The following RRAD variants were observed in gnomAD, a reference collection of about 807,000 sequenced individuals.
The protein encoded by RRAD is RRAD, Ras related glycolysis inhibitor and calcium channel regulator.
A neutral mutation model predicts 24.7 loss-of-function variants in RRAD; 15 were observed. The ratio of observed to expected loss-of-function variants is 0.61; its 90% CI spans 0.41 to 0.93. The LOEUF is 0.93. Ranked by LOEUF, RRAD falls within the 40% of genes least tolerant of loss-of-function variation. RRAD has a pLI of 0.00. For missense variants in RRAD, 438 were observed against 452.2 expected (o/e 0.97, Z 0.29); for synonymous variants, 180 against 189.8 (o/e 0.95, Z 0.43).
At position 66,924,598 on chromosome 16, in the gene RRAD, G is replaced by C. The variant is rs769283111; in HGVS notation, c.370+212C>G. On this transcript the variant is annotated intron_variant, in intron 2 of 4. Transcript: ENST00000299759. This position sits in a 1 kb window ranked among gnomAD's most constrained non-coding sequence, Gnocchi z 4.2. ...GAGAATCCCTTGAAACCTGAAGGCG[G>C]AGGTTGCAGTGAGCCTAGATCGAGG... Among the ~76,000 whole-genome samples the C allele has an allele frequency of 6.6e-6, 1 of 152,138 alleles. No homozygotes were observed. Among genetic ancestry groups the C allele is most frequent in the Non-Finnish European group, 1.5e-5 (1 of 68,024 alleles).
At position 66,924,678 on chromosome 16, in the gene RRAD, A is replaced by AAATAATAATAAT. The variant is rs541356722; in HGVS notation, c.370+120_370+131dup. 3,691 of 687,192 alleles carry AAATAATAATAAT rather than the reference A, an allele frequency of 5.4e-3. 32 individuals carry two copies. Among genetic ancestry groups the AAATAATAATAAT allele is most frequent in the African/African-American group, 0.022 (1,124 of 50,606 alleles). 42.6% of individuals were successfully genotyped at this position (687,192 alleles called of 1,614,324 possible). A position where few individuals can be genotyped will look rare whatever the true frequency, so the allele number is the denominator to read the frequency against. ...GAAACTCTGTCTCAAAATAATAATA[A>AAATAATAATAAT]AATAATAATAATAATAATAATAACA... On this transcript the variant is annotated intron_variant, in intron 2 of 4. Coordinates refer to ENST00000299759, the MANE Select transcript of RRAD (RefSeq NM_004165.3). This position sits in a 1 kb window ranked among gnomAD's most constrained non-coding sequence, Gnocchi z 4.2.
chr16:66,923,488 C>T lies in RRAD; in HGVS notation c.649+28G>A, dbSNP rs1962946257. On this transcript the variant is annotated intron_variant, in intron 4 of 4. Transcript: ENST00000299759. This position sits in a 1 kb window ranked among gnomAD's most constrained non-coding sequence, Gnocchi z 4.9. ...GGATCAGGGCCCAGCTGGGCTCTCC[C>T]TCCCCCTGCAACCTGCCGCCTACTC... is the stretch of plus-strand genomic sequence containing the variant. 1 of 1,581,720 alleles carries T rather than the reference C, an allele frequency of 6.3e-7. No individual in the cohort carries two copies. Among genetic ancestry groups the T allele is most frequent in the Admixed American group, 1.7e-5 (1 of 59,498 alleles).
At position 66,925,330 on chromosome 16, in the gene RRAD, G is replaced by T. The variant is rs985036702; in HGVS notation, c.-16+79C>A. 3.2e-5 allele frequency: 26 copies of T among 801,666 alleles called. No homozygotes were observed. Among genetic ancestry groups the T allele is most frequent in the Non-Finnish European group, 4.0e-5 (24 of 604,700 alleles). The allele number at this position is 801,666 out of a possible 1,614,324, so 49.7% of individuals were successfully genotyped here. A position where few individuals can be genotyped will look rare whatever the true frequency, so the allele number is the denominator to read the frequency against. On this transcript the variant is annotated intron_variant, in intron 1 of 4. Transcript: ENST00000299759. This position sits in a 1 kb window ranked among gnomAD's most constrained non-coding sequence, Gnocchi z 5.2. ...AGCCCTCCCCCAGCCCCCAGGTCGC[G>T]GCGCCCTCACCCGGGACCCCTCCGG...
In RRAD at chr16:66,924,922, G is replaced by A; in HGVS notation, c.258C>T (p.Asp86=). 6.3e-7 allele frequency: 1 copy of A among 1,575,354 alleles called. No homozygotes were observed. Among genetic ancestry groups the A allele is most frequent in the Non-Finnish European group, 8.6e-7 (1 of 1,166,462 alleles). ...GCACCTTGTAAACGCTCTCGTCTGA[G>A]TCGCTGCCCCCTGAGCTGAGCGAGT... is the stretch of plus-strand genomic sequence containing the variant. ...SEDSLSSGGS[D]SDESVYKVLL... The change falls in exon 2 of 5, where the codon GAC becomes GAT. Residue 86 remains aspartate (D), a synonymous_variant. Transcript: ENST00000299759. The surrounding 1 kb of genome is among the most constrained non-coding windows in gnomAD (Gnocchi z 4.2).
rs1316338207 is a variant in RRAD, at chr16:66,925,508, T to TGCA, written c.-118_-116dup. ...TTAGGGTTTCCGCCGCCGCTGCTGC[T>TGCA]GCAGCCACCGCCTTCTCAGCCCGCA... On this transcript the variant is annotated 5_prime_UTR_variant, in exon 1 of 5. Transcript: ENST00000299759. This position sits in a 1 kb window ranked among gnomAD's most constrained non-coding sequence, Gnocchi z 5.2. The TGCA allele has an allele frequency of 2.6e-5, 5 of 195,374 alleles. No individual in the cohort carries two copies. In the East Asian group the frequency reaches 4.7e-4, roughly 18 times the overall value. The allele number at this position is 195,374 out of a possible 1,614,324, so 12.1% of individuals were successfully genotyped here. A position where few individuals can be genotyped will look rare whatever the true frequency, so the allele number is the denominator to read the frequency against.
chr16:66,922,093 C>T lies in RRAD; in HGVS notation c.910G>A (p.Asp304Asn), dbSNP rs759311298. The T allele has an allele frequency of 1.9e-6, 3 of 1,608,466 alleles. No homozygotes were observed. The highest frequency in any genetic ancestry group is 2.6e-6 in the Non-Finnish European group (3 of 1,175,218). Residue 304 changes from aspartate (D) to asparagine (N), a missense_variant, in exon 5 of 5, where the codon GAC becomes AAC. Transcript: ENST00000299759. ...GGTGGGACCTAGAGAACCGAGAGGT[C>T]GTGGCAGGACTTGGATTTGGCGCGA... is the stretch of plus-strand genomic sequence containing the variant. ...AFRAKSKSCH[D>N]LSVL
rs1962982246 is a variant in RRAD, at chr16:66,925,243, G to C, written c.-15-49C>G. The stretch of plus-strand genomic sequence containing the variant: ...GCCGTGTAAGCCGCGAGGGAGGCGG[G>C]ACCCGGGGCGCACCTGCCCAACCCG... On this transcript the variant is annotated intron_variant, in intron 1 of 4. Transcript: ENST00000299759. This position sits in a 1 kb window ranked among gnomAD's most constrained non-coding sequence, Gnocchi z 5.2. 2 of 1,208,866 alleles carry C rather than the reference G, an allele frequency of 1.7e-6. No individual in the cohort carries two copies. Among genetic ancestry groups the C allele is most frequent in the Non-Finnish European group, 2.1e-6 (2 of 972,040 alleles). The allele number at this position is 1,208,866 out of a possible 1,614,324, so 74.9% of individuals were successfully genotyped here.
rs1406446424 is a variant in RRAD, at chr16:66,923,166, CT to C, written c.649+349del. Reference sequence around the variant, plus strand: ...GGTCTTCCCCAGGGCCAAGTCTACTCTAAGAATGGCCCAGACCTAGCACACA... The same window carrying C: ...GGTCTTCCCCAGGGCCAAGTCTACTCAAGAATGGCCCAGACCTAGCACACA... On this transcript the variant is annotated intron_variant, in intron 4 of 4. Transcript: ENST00000299759. This position sits in a 1 kb window ranked among gnomAD's most constrained non-coding sequence, Gnocchi z 4.9. Among the ~76,000 whole-genome samples the C allele has an allele frequency of 2.6e-5, 4 of 152,138 alleles. No individual in the cohort carries two copies. The highest frequency in any genetic ancestry group is 9.7e-5 in the African/African-American group (4 of 41,430).
At position 66,923,983 on chromosome 16, in the gene RRAD, T is replaced by G. The variant is rs1962955411; in HGVS notation, c.371-64A>C. The stretch of plus-strand genomic sequence containing the variant: ...TCAAAGCCGCTGCTGCCAGGTTTCC[T>G]GTTCTGGCCACACCCTCCAACTCTT... On this transcript the variant is annotated intron_variant, in intron 2 of 4. Transcript: ENST00000299759. This position sits in a 1 kb window ranked among gnomAD's most constrained non-coding sequence, Gnocchi z 4.9. 2.3e-5 allele frequency: 30 copies of G among 1,328,648 alleles called. No individual in the cohort carries two copies. The South Asian group carries it at 3.5e-4, about 16-fold the overall frequency. The allele number at this position is 1,328,648 out of a possible 1,614,324, so 82.3% of individuals were successfully genotyped here.
At position 66,925,058 on chromosome 16, in the gene RRAD, G is replaced by C. The variant is rs979557063; in HGVS notation, c.122C>G (p.Pro41Arg). The C allele has an allele frequency of 1.5e-6, 2 of 1,300,840 alleles. No homozygotes were observed. The highest frequency in any genetic ancestry group is 2.3e-5 in the South Asian group (1 of 43,568). The allele number at this position is 1,300,840 out of a possible 1,614,324, so 80.6% of individuals were successfully genotyped here. The change falls in exon 2 of 5, where the codon CCG becomes CGG. Residue 41 changes from proline to arginine, a missense_variant. Coordinates refer to ENST00000299759, the MANE Select transcript of RRAD (RefSeq NM_004165.3). The surrounding 1 kb of genome is among the most constrained non-coding windows in gnomAD (Gnocchi z 5.2). ...CGCCTGCAGGTCGCGCTCGTCCACC[G>C]GCATGCTGCGGCGGTGCAGCGGCGG... ...PAPPLHRRSM[P>R]VDERDLQAAL... is the part of the protein sequence containing the mutation.
Position 66,922,176 on chromosome 16 carries a change from T to C in RRAD, c.827A>G (p.Lys276Arg). 2 of 1,614,212 alleles carry C rather than the reference T, an allele frequency of 1.2e-6. No homozygotes were observed. The highest frequency in any genetic ancestry group is 1.7e-6 in the Non-Finnish European group (2 of 1,179,984). Residue 276 changes from lysine (K) to arginine (R), a missense_variant, in exon 5 of 5, where the codon AAA (lysine) becomes AGA (arginine). Transcript: ENST00000299759. ...AGTRRRESLG[K>R]KAKRFLGRIV... ...GCGGCCCAAGAAGCGCTTCGCCTTT[T>C]TGCCAAGGCTCTCTCGCCTCCGGGT... is the stretch of plus-strand genomic sequence containing the variant.
At position 66,923,629 on chromosome 16, in the gene RRAD, T is replaced by C; in HGVS notation, c.536A>G (p.Lys179Arg). 1 of 1,614,050 alleles carries C rather than the reference T, an allele frequency of 6.2e-7. No individual in the cohort carries two copies. The highest frequency in any genetic ancestry group is 1.1e-5 in the South Asian group (1 of 91,080). The change falls in exon 4 of 5, where the codon AAG (lysine) becomes AGG (arginine). Residue 179 changes from lysine to arginine, a missense_variant. Physicochemically the swap from Lys to Arg is conservative, Grantham distance 26 (BLOSUM62 2). Transcript: ENST00000299759. The surrounding 1 kb of genome is among the most constrained non-coding windows in gnomAD (Gnocchi z 4.9). The stretch of plus-strand genomic sequence containing the variant: ...CAGCTGGACCCGCAGTTCTGAGGCC[T>C]TCTCGAAGCTGCCCTTGTCCGTCAC... ...YSVTDKGSFEKASELRVQLRR... is the reference protein window; with the variant it reads ...YSVTDKGSFERASELRVQLRR...
chr16:66,922,472 AAC>A, intron 4 of RRAD, 119 bp from the exon 5 acceptor site: 2 of 1,012,418 alleles, frequency 2.0e-6, no homozygotes, highest in Non-Finnish European at 2.9e-6. Flanking sequence ...CCTCCCCGAA[AAC>A]ACAGAGACCC....
Position 66,921,983 on chromosome 16 carries a change from G to T in RRAD, c.*93C>A. 8.4e-7 allele frequency: 1 copy of T among 1,186,934 alleles called. No individual in the cohort carries two copies. Among genetic ancestry groups the T allele is most frequent in the Non-Finnish European group, 1.2e-6 (1 of 838,644 alleles). The allele number at this position is 1,186,934 out of a possible 1,614,324, so 73.5% of individuals were successfully genotyped here. On this transcript the variant is annotated 3_prime_UTR_variant, in exon 5 of 5. Transcript: ENST00000299759. ...GGCTGGCAGCTCCGAGGGACCCAGA[G>T]TCTGAGCCTGCTCTGAGGCACCCGG...
rs2145486657 is a variant in RRAD, at chr16:66,925,294, G to A, written c.-15-100C>T. On this transcript the variant is annotated intron_variant, in intron 1 of 4. Coordinates refer to ENST00000299759, the MANE Select transcript of RRAD (RefSeq NM_004165.3). This position sits in a 1 kb window ranked among gnomAD's most constrained non-coding sequence, Gnocchi z 5.2. ...GAGTCAGGCGGGATGCTCCGGCCGAGGTCCCGCCGCAGCCCTCCCCCAGCC... is the reference window on the plus strand; with the variant it reads ...GAGTCAGGCGGGATGCTCCGGCCGAAGTCCCGCCGCAGCCCTCCCCCAGCC... 3 of 1,062,016 alleles carry A rather than the reference G, an allele frequency of 2.8e-6. No individual in the cohort carries two copies. The highest frequency in any genetic ancestry group is 9.7e-5 in the South Asian group (2 of 20,582). 65.8% of individuals were successfully genotyped at this position (1,062,016 alleles called of 1,614,324 possible). A position where few individuals can be genotyped will look rare whatever the true frequency, so the allele number is the denominator to read the frequency against.
Position 66,923,523 on chromosome 16 carries a change from C to G in RRAD, c.642G>C (p.Ser214=), listed in dbSNP as rs372336036. ...AACCTGCCGCCTACTCACCATCCACCGAGACCTCACGAGAGCGCACCAGGT... is the reference window on the plus strand; with the variant it reads ...AACCTGCCGCCTACTCACCATCCACGGAGACCTCACGAGAGCGCACCAGGT... ...KSDLVRSREV[S]VDEGRACAVV... Residue 214 remains serine, a synonymous_variant, in exon 4 of 5, where the codon TCG becomes TCC. Coordinates refer to ENST00000299759, the MANE Select transcript of RRAD (RefSeq NM_004165.3). This position sits in a 1 kb window ranked among gnomAD's most constrained non-coding sequence, Gnocchi z 4.9. The G allele has an allele frequency of 3.1e-6, 5 of 1,605,604 alleles. No homozygotes were observed. In the South Asian group the frequency reaches 3.3e-5, roughly 11 times the overall value.
rs1037965270 is a variant in RRAD, at chr16:66,921,896, T to C, written c.*180A>G. The C allele has an allele frequency of 8.4e-6, 5 of 596,938 alleles. No homozygotes were observed. Among genetic ancestry groups the C allele is most frequent in the South Asian group, 4.6e-5 (2 of 43,568 alleles). 37.0% of individuals were successfully genotyped at this position (596,938 alleles called of 1,614,324 possible). ...TGTGGGCCCAGCCCTCACTGGCCCC[T>C]GAGAGCCACTTCGCAGGGCAGCACT... On this transcript the variant is annotated 3_prime_UTR_variant, in exon 5 of 5. Transcript: ENST00000299759.
At position 66,925,056 on chromosome 16, in the gene RRAD, C is replaced by A. The variant is rs1471291692; in HGVS notation, c.124G>T (p.Val42Leu). The change falls in exon 2 of 5, where the codon GTG becomes TTG. Residue 42 changes from valine to leucine, a missense_variant. Transcript: ENST00000299759. The surrounding 1 kb of genome is among the most constrained non-coding windows in gnomAD (Gnocchi z 5.2). Reference sequence around the variant, plus strand: ...GCCGCCTGCAGGTCGCGCTCGTCCACCGGCATGCTGCGGCGGTGCAGCGGC... The same window carrying A: ...GCCGCCTGCAGGTCGCGCTCGTCCAACGGCATGCTGCGGCGGTGCAGCGGC... ...APPLHRRSMP[V>L]DERDLQAALT... is the part of the protein sequence containing the mutation. 1.5e-6 allele frequency: 2 copies of A among 1,314,870 alleles called. No individual in the cohort carries two copies. The highest frequency in any genetic ancestry group is 1.9e-6 in the Non-Finnish European group (2 of 1,032,712). 81.5% of individuals were successfully genotyped at this position (1,314,870 alleles called of 1,614,324 possible).
rs1395820562 is a variant in RRAD at position 66,924,542 on chromosome 16, G to A, written c.370+268C>T. Reference sequence around the variant, plus strand: ...TAGCCGGGCGTGGTAGCAGGCGCCTGTAATCCTAGCTACTCTGGAGGCTGA... The same window carrying A: ...TAGCCGGGCGTGGTAGCAGGCGCCTATAATCCTAGCTACTCTGGAGGCTGA... On this transcript the variant is annotated intron_variant, in intron 2 of 4. Transcript: ENST00000299759. The surrounding 1 kb of genome is among the most constrained non-coding windows in gnomAD (Gnocchi z 4.2). Among the ~76,000 whole-genome samples, 1 of 152,170 alleles carries A rather than the reference G, an allele frequency of 6.6e-6. No homozygotes were observed. Among genetic ancestry groups the A allele is most frequent in the Non-Finnish European group, 1.5e-5 (1 of 68,032 alleles).
Sources: allele counts gnomAD v4.1 joint callset (sites outside exome capture counted in the v4.1 genomes callset), GRCh38; gene constraint gnomAD v4.1.1; non-coding constraint Gnocchi (gnomAD v3.1); transcripts MANE v1.5; gene names NCBI Gene and HGNC (gene_info 2026-07-23, HGNC 2026-07-21).